The following KHDRBS2 variants were observed in gnomAD, a reference collection of about 807,000 sequenced individuals.
KHDRBS2 encodes KH RNA binding domain containing, signal transduction associated 2.
In KHDRBS2, 26 loss-of-function variants were observed where a neutral mutation model predicts 44.3. The observed-to-expected ratio is 0.59, with a 90% confidence interval of 0.43 to 0.81. The LOEUF (loss-of-function observed/expected upper bound fraction) is 0.81, where lower values mean the gene tolerates loss of function less well. Ranked by LOEUF, KHDRBS2 falls within the 40% of genes least tolerant of loss-of-function variation. KHDRBS2 has a pLI of 0.00. For synonymous variants in KHDRBS2, 194 were observed against 151.1 expected, an observed-to-expected ratio of 1.28 and a Z score of -2.08; for missense variants, 476 against 433.1, an observed-to-expected ratio of 1.10 and a Z score of -0.88.
chr6:61,698,008 T>A (rs1180585124), intron 7 of KHDRBS2, among the ~76,000 whole-genome samples: 1 of 152,136 alleles, frequency 6.6e-6, no homozygotes, highest in African/African-American at 2.4e-5. Flanking sequence ...AAGAAGTGAC[T>A]TTACTCACTC....
At chr6:61,607,055 T>C in the KHDRBS2 span, among the ~76,000 whole-genome samples, 1 of 152,010 alleles carries the variant, frequency 6.6e-6, no homozygotes, top group Non-Finnish European at 1.5e-5. Flanking sequence ...AATAGAGTAA[T>C]ATAGAAAATA....
chr6:62,173,634 A>G (rs1392758242), intron 2 of KHDRBS2, among the ~76,000 whole-genome samples: 3 of 152,052 alleles, frequency 2.0e-5, no homozygotes, highest in Non-Finnish European at 4.4e-5. Context: ...CTTCAGGCCT[A>G]TATCCTTGAT....
the KHDRBS2 span, among the ~76,000 whole-genome samples, chr6:61,595,569 C>T: frequency 1.3e-5 from 2 of 152,068 alleles, no homozygotes; most frequent in Non-Finnish European, 2.9e-5. Flanking sequence ...AAAATTATTT[C>T]TCTTATTTTA....
chr6:61,773,251 C>T (rs1781302904), intron 6 of KHDRBS2, among the ~76,000 whole-genome samples: 1 of 152,108 alleles, frequency 6.6e-6, no homozygotes, highest in Non-Finnish European at 1.5e-5. Context: ...GTTTACAGTC[C>T]CACCAACAGT....
intron 2 of KHDRBS2, among the ~76,000 whole-genome samples, chr6:62,055,473 G>A (rs140956135): frequency 6.5e-4 from 99 of 152,054 alleles, no homozygotes; most frequent in African/African-American, 2.2e-3. Flanking sequence ...ACTTATATAC[G>A]CACCTGTGGG....
At chr6:61,688,864 A>G (rs1767082346) in intron 8 of KHDRBS2, among the ~76,000 whole-genome samples, 1 of 151,820 alleles carries the variant, frequency 6.6e-6, no homozygotes, top group South Asian at 2.1e-4. Context: ...AAATTTCCCA[A>G]GTGATTGGAG....
intron 3 of KHDRBS2, among the ~76,000 whole-genome samples, chr6:62,043,379 C>T (rs1786973805): frequency 6.6e-6 from 1 of 152,100 alleles, no homozygotes. Flanking sequence ...CTTTAAAGAA[C>T]TTTCTAAACT....
chr6:61,773,071 TG>T (rs1194235458), intron 6 of KHDRBS2, among the ~76,000 whole-genome samples: 24 of 152,322 alleles, frequency 1.6e-4, no homozygotes, highest in African/African-American at 4.8e-4. Context: ...TCCAAGTCTT[TG>T]CTATTGTGAA....
At chr6:62,070,409 T>C (rs1794742489) in intron 2 of KHDRBS2, among the ~76,000 whole-genome samples, 2 of 152,028 alleles carry the variant, frequency 1.3e-5, no homozygotes, top group Admixed American at 6.6e-5. Context: ...TACATATATA[T>C]ACATGTGCCA....
At chr6:61,771,653 T>C (rs1488414085) in intron 6 of KHDRBS2, among the ~76,000 whole-genome samples, 1 of 152,146 alleles carries the variant, frequency 6.6e-6, no homozygotes, top group Non-Finnish European at 1.5e-5. Flanking sequence ...TAAATATATA[T>C]GCACCCAATA....
intron 4 of KHDRBS2, 116 bp from the exon 5 acceptor site, chr6:61,901,487 T>C: frequency 7.8e-6 from 6 of 768,732 alleles, no homozygotes; most frequent in East Asian, 2.6e-5. Flanking sequence ...TTCATTTGTT[T>C]CCTGGAACTT....
At chr6:62,091,288 T>TG (rs869032444) in intron 2 of KHDRBS2, among the ~76,000 whole-genome samples, 1 of 7,594 alleles carries the variant, frequency 1.3e-4, no homozygotes, top group Non-Finnish European at 2.3e-4. Context: ...GTATTTTTTA[T>TG]TTTTCATTAG....
intron 6 of KHDRBS2, among the ~76,000 whole-genome samples, chr6:61,775,444 C>G (rs1781789682): frequency 6.6e-6 from 1 of 152,122 alleles, no homozygotes; most frequent in African/African-American, 2.4e-5. Context: ...TCAGCAAAGT[C>G]TCAGGATACA....
chr6:61,609,512 T>A, the KHDRBS2 span, among the ~76,000 whole-genome samples: 6 of 152,328 alleles, frequency 3.9e-5, no homozygotes, highest in Admixed American at 2.0e-4. Context: ...TTTCACATTG[T>A]CACAATTATA....
At chr6:62,079,625 C>T (rs1797012222) in intron 2 of KHDRBS2, among the ~76,000 whole-genome samples, 1 of 151,982 alleles carries the variant, frequency 6.6e-6, no homozygotes, top group Non-Finnish European at 1.5e-5. Flanking sequence ...TTTAATCCAA[C>T]CTGTTTCAAA....
chr6:61,913,045 A>G (rs1806333900), intron 4 of KHDRBS2, among the ~76,000 whole-genome samples: 2 of 152,088 alleles, frequency 1.3e-5, no homozygotes, highest in Admixed American at 6.6e-5. Flanking sequence ...GGAGAAGACC[A>G]TGCTATCAAG....
chr6:62,254,223 A>C (rs115739965), intron 1 of KHDRBS2, among the ~76,000 whole-genome samples: 189 of 152,180 alleles, frequency 1.2e-3, no homozygotes, highest in Non-Finnish European at 2.4e-3. Context: ...AAAGTGCTAC[A>C]GAGTCCTGCC....
At chr6:61,583,172 T>A in the KHDRBS2 span, among the ~76,000 whole-genome samples, 1 of 151,842 alleles carries the variant, frequency 6.6e-6, no homozygotes, top group African/African-American at 2.4e-5. Context: ...AGAAGTATGA[T>A]CTGATTTGTA....
At chr6:61,591,960 G>C in the KHDRBS2 span, among the ~76,000 whole-genome samples, 1 of 152,106 alleles carries the variant, frequency 6.6e-6, no homozygotes, top group Admixed American at 6.6e-5. Flanking sequence ...GCCAAGGCAA[G>C]AGAGGGTCAT....
Sources: allele counts gnomAD v4.1 joint callset (sites outside exome capture counted in the v4.1 genomes callset), GRCh38; gene constraint gnomAD v4.1.1; transcripts MANE v1.5; gene names NCBI Gene and HGNC (gene_info 2026-07-23, HGNC 2026-07-21).